OR10AG1: variants seen among roughly 807,000 people sequenced by gnomAD.
The protein encoded by OR10AG1 is olfactory receptor 10AG1.
For synonymous variants in OR10AG1, 147 were observed against 128.6 expected, an observed-to-expected ratio of 1.14 and a Z score of -0.97; for missense variants, 433 against 376.5, an observed-to-expected ratio of 1.15 and a Z score of -1.24.
chr11:55,968,490 TTTTAGTTTGCTC>T lies in OR10AG1; in HGVS notation c.22_33del (p.Glu8_Lys11del), dbSNP rs761321640. The T allele has an allele frequency of 1.5e-5, 22 of 1,453,268 alleles. No individual in the cohort carries two copies. The African/African-American group carries it at 2.9e-4, about 19-fold the overall frequency. The allele number at this position is 1,453,268 out of a possible 1,614,324, so 90.0% of individuals were successfully genotyped here. A position where few individuals can be genotyped will look rare whatever the true frequency, so the allele number is the denominator to read the frequency against. ...ATTGTAGTCACATTTGATTTTTCTC[TTTTAGTTTGCTC>T]TCCATCTGCAGATATAGCAAATTCA... On this transcript the variant is annotated inframe_deletion, in exon 2 of 2. Transcript: ENST00000641071.
Position 55,968,489 on chromosome 11 carries a change from CTT to C in OR10AG1, c.33_34del (p.Glu13LysfsTer17). On this transcript the variant is annotated frameshift_variant, in exon 2 of 2. Transcript: ENST00000641071. LOFTEE classifies it low-confidence loss of function (END_TRUNC). ...TATTGTAGTCACATTTGATTTTTCT[CTT>C]TTAGTTTGCTCTCCATCTGCAGATA... The C allele has an allele frequency of 6.8e-7, 1 of 1,462,676 alleles. No individual in the cohort carries two copies. The highest frequency in any genetic ancestry group is 2.3e-5 in the East Asian group (1 of 43,766). 90.6% of individuals were successfully genotyped at this position (1,462,676 alleles called of 1,614,324 possible).
chr11:55,968,914 C>T (rs76830632), intron 1 of OR10AG1, among the ~76,000 whole-genome samples: 1,598 of 151,994 alleles, frequency 0.011, 22 homozygotes, highest in Non-Finnish European at 0.014. Flanking sequence ...TTGAATATTA[C>T]GATTAATTCA....
Position 55,967,835 on chromosome 11 carries a change from C to T in OR10AG1, c.689G>A (p.Gly230Asp). ...VPFLLIVVSY[G>D]KIISNILKLS... ...TTTCAAAATGTTGGAGATAATTTTG[C>T]CATAAGAGACAACAATCAACAGAAA... Residue 230 changes from glycine to aspartate, a missense_variant, in exon 2 of 2, where the codon GGC (glycine) becomes GAC (aspartate). Coordinates refer to ENST00000641071, the MANE Select transcript of OR10AG1 (RefSeq NM_001005491.2). 6.2e-7 allele frequency: 1 copy of T among 1,614,020 alleles called. No homozygotes were observed. The highest frequency in any genetic ancestry group is 2.2e-5 in the East Asian group (1 of 44,878).
rs930858974 is a variant in OR10AG1 at position 55,965,980 on chromosome 11, T to C, written c.*1578A>G. The C allele has an allele frequency of 6.6e-6, 1 of 151,954 alleles. No individual in the cohort carries two copies. Among genetic ancestry groups the C allele is most frequent in the African/African-American group, 2.4e-5 (1 of 41,344 alleles). 9.4% of individuals were successfully genotyped at this position (151,954 alleles called of 1,614,324 possible). A position where few individuals can be genotyped will look rare whatever the true frequency, so the allele number is the denominator to read the frequency against. On this transcript the variant is annotated 3_prime_UTR_variant, in exon 2 of 2. Coordinates refer to ENST00000641071, the MANE Select transcript of OR10AG1 (RefSeq NM_001005491.2). ...TATTGGTTTTACAAAAATGATGTTATATTTTTTAAGTACATATGCATTCTT... is the reference window on the plus strand; with the variant it reads ...TATTGGTTTTACAAAAATGATGTTACATTTTTTAAGTACATATGCATTCTT...
Position 55,968,286 on chromosome 11 carries a change from A to G in OR10AG1, c.238T>C (p.Leu80=). ...MYFFLSNFSL[L]EICYVTIIIP... is the part of the protein sequence containing the mutation. ...ATGATTGTTACATAACAGATTTCCAAAAGGGAAAAATTGCTAAGAAAAAAA... is the reference window on the plus strand; with the variant it reads ...ATGATTGTTACATAACAGATTTCCAGAAGGGAAAAATTGCTAAGAAAAAAA... The change falls in exon 2 of 2, where the codon TTG becomes CTG. Residue 80 remains leucine (L), a synonymous_variant. Transcript: ENST00000641071. The G allele has an allele frequency of 3.1e-6, 5 of 1,613,854 alleles. No homozygotes were observed. The highest frequency in any genetic ancestry group is 4.2e-6 in the Non-Finnish European group (5 of 1,179,824).
Position 55,967,612 on chromosome 11 carries a change from C to T in OR10AG1, c.912G>A (p.Arg304=), listed in dbSNP as rs370006152. 5.0e-6 allele frequency: 8 copies of T among 1,608,034 alleles called. No individual in the cohort carries two copies. The highest frequency in any genetic ancestry group is 6.0e-6 in the Non-Finnish European group (7 of 1,176,208). ...PTLNPIIYTL[R]NKDIMVALRK... ...TCAATGCCACCATGATATCTTTGTT[C>T]CTCAGGGTATATATAATAGGATTCA... Residue 304 remains arginine, a synonymous_variant, in exon 2 of 2, where the codon AGG becomes AGA. Transcript: ENST00000641071.
Position 55,968,069 on chromosome 11 carries a change from C to T in OR10AG1, c.455G>A (p.Cys152Tyr). 1 of 1,614,036 alleles carries T rather than the reference C, an allele frequency of 6.2e-7. No individual in the cohort carries two copies. Among genetic ancestry groups the T allele is most frequent in the Non-Finnish European group, 8.5e-7 (1 of 1,179,992 alleles). ...CCAGGAAGCTATTATCAGCTGAATG[C>T]AGACTTTGTGGTTCATCACTAGAGG... Reference protein sequence around the residue: ...QYPLVMNHKVCIQLIIASWTI... With the variant: ...QYPLVMNHKVYIQLIIASWTI... The change falls in exon 2 of 2, where the codon TGC becomes TAC. Residue 152 changes from cysteine to tyrosine, a missense_variant. Transcript: ENST00000641071.
chr11:55,967,782 C>A lies in OR10AG1; in HGVS notation c.742G>T (p.Ala248Ser). 6.2e-7 allele frequency: 1 copy of A among 1,613,914 alleles called. No homozygotes were observed. The highest frequency in any genetic ancestry group is 8.5e-7 in the Non-Finnish European group (1 of 1,179,896). Reference sequence around the variant, plus strand: ...AGGTGAGATGAGCAGGTGGAGAAGGCTTTAGCCTTTCCTCTGGCTGATGAC... The same window carrying A: ...AGGTGAGATGAGCAGGTGGAGAAGGATTTAGCCTTTCCTCTGGCTGATGAC... Reference protein sequence around the residue: ...KLSSARGKAKAFSTCSSHLIV... With the variant: ...KLSSARGKAKSFSTCSSHLIV... The change falls in exon 2 of 2, where the codon GCC becomes TCC. Residue 248 changes from alanine (A) to serine (S), a missense_variant. Transcript: ENST00000641071.
chr11:55,967,473 C>T lies in OR10AG1; in HGVS notation c.*85G>A, dbSNP rs1852698142. ...AATTTCAGTACTCATTATTGAATAC[C>T]ATAGGGACAAAGTTAAAAAAAAATT... On this transcript the variant is annotated 3_prime_UTR_variant, in exon 2 of 2. Transcript: ENST00000641071. 9.1e-6 allele frequency: 7 copies of T among 772,960 alleles called. No individual in the cohort carries two copies. In the South Asian group the frequency reaches 1.2e-4, roughly 14 times the overall value. The allele number at this position is 772,960 out of a possible 1,614,324, so 47.9% of individuals were successfully genotyped here. A position where few individuals can be genotyped will look rare whatever the true frequency, so the allele number is the denominator to read the frequency against.
rs1852704293 is a variant in OR10AG1 at position 55,967,845 on chromosome 11, C to A, written c.679G>T (p.Val227Phe). The A allele has an allele frequency of 7.4e-6, 12 of 1,614,048 alleles. No homozygotes were observed. Among genetic ancestry groups the A allele is most frequent in the Non-Finnish European group, 1.0e-5 (12 of 1,179,984 alleles). Residue 227 changes from valine to phenylalanine, a missense_variant, in exon 2 of 2, where the codon GTC (valine) becomes TTC (phenylalanine). Val to Phe is a conservative substitution (Grantham distance 50). Coordinates refer to ENST00000641071, the MANE Select transcript of OR10AG1 (RefSeq NM_001005491.2). ...FITVPFLLIV[V>F]SYGKIISNIL... ...TTGGAGATAATTTTGCCATAAGAGA[C>A]AACAATCAACAGAAATGGCACCGTG...
rs1402579789 is a variant in OR10AG1, at chr11:55,967,208, T to G, written c.*350A>C. ...GGGTCAGAGAAAGGTGGTAAATACATCTGAAGGAATGGGAAGGTGAAAGAA... is the reference window on the plus strand; with the variant it reads ...GGGTCAGAGAAAGGTGGTAAATACAGCTGAAGGAATGGGAAGGTGAAAGAA... On this transcript the variant is annotated 3_prime_UTR_variant, in exon 2 of 2. Coordinates refer to ENST00000641071, the MANE Select transcript of OR10AG1 (RefSeq NM_001005491.2). 1 of 172,712 alleles carries G rather than the reference T, an allele frequency of 5.8e-6. No homozygotes were observed. The highest frequency in any genetic ancestry group is 5.9e-5 in the Admixed American group (1 of 16,980). 10.7% of individuals were successfully genotyped at this position (172,712 alleles called of 1,614,324 possible).
rs1852715220 is a variant in OR10AG1 at position 55,968,581 on chromosome 11, A to T, written c.17-74T>A. The T allele has an allele frequency of 9.2e-6, 6 of 650,538 alleles. No homozygotes were observed. The South Asian group carries it at 1.0e-4, about 11-fold the overall frequency. 40.3% of individuals were successfully genotyped at this position (650,538 alleles called of 1,614,324 possible). A position where few individuals can be genotyped will look rare whatever the true frequency, so the allele number is the denominator to read the frequency against. On this transcript the variant is annotated intron_variant, in intron 1 of 1. Coordinates refer to ENST00000641071, the MANE Select transcript of OR10AG1 (RefSeq NM_001005491.2). The stretch of plus-strand genomic sequence containing the variant: ...AATATTTTCCTCTTGGGTTAACTAA[A>T]TGAGATACAGGAATATACTTACTTA...
chr11:55,969,589 C>T (rs1852723901), intron 1 of OR10AG1, among the ~76,000 whole-genome samples: 1 of 152,100 alleles, frequency 6.6e-6, no homozygotes, highest in South Asian at 2.1e-4. Context: ...ATGCATTTGA[C>T]TTAATACGTT....
chr11:55,966,332 A>G lies in OR10AG1; in HGVS notation c.*1226T>C, dbSNP rs1268250825. On this transcript the variant is annotated 3_prime_UTR_variant, in exon 2 of 2. Transcript: ENST00000641071. The stretch of plus-strand genomic sequence containing the variant: ...GAAGTCAATTTACTGCCCAAAATGC[A>G]TGCAACAATTGAAGGGTAGGGTGGA... 1.3e-5 allele frequency: 2 copies of G among 150,930 alleles called. No individual in the cohort carries two copies. The highest frequency in any genetic ancestry group is 2.4e-5 in the African/African-American group (1 of 40,986). The allele number at this position is 150,930 out of a possible 1,614,324, so 9.3% of individuals were successfully genotyped here.
rs1431299817 is a variant in OR10AG1, at chr11:55,967,520, C to T, written c.*38G>A. 4.4e-6 allele frequency: 6 copies of T among 1,365,106 alleles called. No homozygotes were observed. Among genetic ancestry groups the T allele is most frequent in the South Asian group, 1.4e-5 (1 of 73,336 alleles). The allele number at this position is 1,365,106 out of a possible 1,614,324, so 84.6% of individuals were successfully genotyped here. A position where few individuals can be genotyped will look rare whatever the true frequency, so the allele number is the denominator to read the frequency against. Reference sequence around the variant, plus strand: ...AATTCACTGAAGCCACATGACAAACCTATAAAGAAATTATTTCTGTAATTT... The same window carrying T: ...AATTCACTGAAGCCACATGACAAACTTATAAAGAAATTATTTCTGTAATTT... On this transcript the variant is annotated 3_prime_UTR_variant, in exon 2 of 2. Transcript: ENST00000641071.
chr11:55,968,604 T>C (rs925166252), intron 1 of OR10AG1, 97 bp from the exon 2 acceptor site: 4 of 551,140 alleles, frequency 7.3e-6, no homozygotes, highest in Non-Finnish European at 1.3e-5. Flanking sequence ...ATATACTTAC[T>C]TAAGCTCTTA....
Position 55,966,199 on chromosome 11 carries a change from G to C in OR10AG1, c.*1359C>G, listed in dbSNP as rs1372398182. The C allele has an allele frequency of 6.6e-6, 1 of 150,794 alleles. No homozygotes were observed. The highest frequency in any genetic ancestry group is 1.5e-5 in the Non-Finnish European group (1 of 67,790). 9.3% of individuals were successfully genotyped at this position (150,794 alleles called of 1,614,324 possible). On this transcript the variant is annotated 3_prime_UTR_variant, in exon 2 of 2. Coordinates refer to ENST00000641071, the MANE Select transcript of OR10AG1 (RefSeq NM_001005491.2). The stretch of plus-strand genomic sequence containing the variant: ...TAAAAGTTTTTGAAAAAACACGTTT[G>C]TAATAACTATTGAAAATATATTACC...
chr11:55,968,511 C>A lies in OR10AG1; in HGVS notation c.17-4G>T. ...TCTCTTTTAGTTTGCTCTCCATCTG[C>A]AGATATAGCAAATTCAAGACAGTTA... On this transcript the variant is annotated splice_region_variant and splice_polypyrimidine_tract_variant and intron_variant, in intron 1 of 1. Coordinates refer to ENST00000641071, the MANE Select transcript of OR10AG1 (RefSeq NM_001005491.2). 1 of 1,184,244 alleles carries A rather than the reference C, an allele frequency of 8.4e-7. No individual in the cohort carries two copies. Among genetic ancestry groups the A allele is most frequent in the Non-Finnish European group, 1.2e-6 (1 of 833,168 alleles). 73.4% of individuals were successfully genotyped at this position (1,184,244 alleles called of 1,614,324 possible). A position where few individuals can be genotyped will look rare whatever the true frequency, so the allele number is the denominator to read the frequency against.
intron 1 of OR10AG1, among the ~76,000 whole-genome samples, chr11:55,968,896 T>C (rs185543967): frequency 4.3e-4 from 65 of 152,224 alleles, no homozygotes. Flanking sequence ...TAATTCAAAA[T>C]GTTGCCCTTG....
Sources: gnomAD v4.1 joint callset for allele counts (sites outside exome capture counted in the v4.1 genomes callset) on GRCh38, gnomAD v4.1.1 for gene constraint, MANE v1.5 for transcripts, NCBI Gene and HGNC (gene_info 2026-07-23, HGNC 2026-07-21) for gene names.